The following AP1S3 variants were observed in gnomAD, a reference collection of about 807,000 sequenced individuals.
AP1S3 encodes AP-1 complex subunit sigma-3.
AP1S3 carries 10 observed loss-of-function variants against 20.9 expected under a neutral mutation model. The ratio of observed to expected loss-of-function variants is 0.48; its 90% confidence interval spans 0.29 to 0.81. AP1S3 has a LOEUF of 0.81. AP1S3 is among the 30% of genes least tolerant of loss of function. The probability of loss-of-function intolerance (pLI) is 0.08; values close to 1 mark genes in which losing one functional copy is unlikely to be tolerated. For synonymous variants in AP1S3, 41 were observed against 61.5 expected (o/e 0.67, Z 1.56); for missense variants, 154 against 183.8 (o/e 0.84, Z 0.94).
At chr2:223,775,860 G>C in intron 3 of AP1S3, 41 bp downstream of exon 3, 1 of 1,454,792 alleles carries the variant, frequency 6.9e-7, no homozygotes. Flanking sequence ...GAGCTGAGAT[G>C]GGGACTGTAG....
intron 1 of AP1S3, among the ~76,000 whole-genome samples, chr2:223,787,051 G>A (rs934258232): frequency 7.2e-5 from 11 of 152,152 alleles, no homozygotes; most frequent in Non-Finnish European, 1.2e-4. Context: ...ATGAGTTAGC[G>A]CCATCTCCTT....
chr2:223,771,596 C>G (rs1690628140), intron 3 of AP1S3, among the ~76,000 whole-genome samples: 1 of 152,174 alleles, frequency 6.6e-6, no homozygotes, highest in Non-Finnish European at 1.5e-5. Context: ...GCCTTGTGCT[C>G]TTCTGTAATT....
chr2:223,765,869 C>A (rs544999265), intron 3 of AP1S3, among the ~76,000 whole-genome samples: 37 of 152,156 alleles, frequency 2.4e-4, no homozygotes, highest in Non-Finnish European at 4.4e-4. Flanking sequence ...TACAGCCCAC[C>A]CCCAGAGTTT....
chr2:223,755,529 A>ATTTT lies in AP1S3; in HGVS notation c.*3182_*3185dup, dbSNP rs66977512. Among the ~76,000 whole-genome samples the ATTTT allele has an allele frequency of 1.9e-4, 22 of 118,206 alleles. No individual in the cohort carries two copies. Among genetic ancestry groups the ATTTT allele is most frequent in the Non-Finnish European group, 3.1e-4 (18 of 58,038 alleles). The allele number at this position is 118,206 out of a possible 152,430, so 77.5% of individuals were successfully genotyped here. On this transcript the variant is annotated 3_prime_UTR_variant, in exon 5 of 5. Coordinates refer to ENST00000396654, the MANE Select transcript of AP1S3 (RefSeq NM_001039569.2). ...CATATAGATATGTTTACTTACTTTC[A>ATTTT]TTTTTTTTTTTTTTTTTTTGAGACA... is the stretch of plus-strand genomic sequence containing the variant.
At chr2:223,809,618 TG>T in intron 1 of AP1S3, among the ~76,000 whole-genome samples, 1 of 151,714 alleles carries the variant, frequency 6.6e-6, no homozygotes, top group Non-Finnish European at 1.5e-5. Flanking sequence ...CACTCCAGCC[TG>T]GGGGACAGAG....
At chr2:223,819,372 C>T (rs1269803344) in intron 1 of AP1S3, among the ~76,000 whole-genome samples, 2 of 152,182 alleles carry the variant, frequency 1.3e-5, no homozygotes, top group Non-Finnish European at 2.9e-5. Flanking sequence ...CCTTTCTTTA[C>T]ATCACTCATT....
At chr2:223,772,032 G>A (rs1335608402) in intron 3 of AP1S3, among the ~76,000 whole-genome samples, 2 of 152,160 alleles carry the variant, frequency 1.3e-5, no homozygotes, top group African/African-American at 4.8e-5. Context: ...GCTTGAACCC[G>A]GGAGGCGGAA....
intron 3 of AP1S3, among the ~76,000 whole-genome samples, chr2:223,767,278 C>T (rs1346439932): frequency 6.6e-6 from 1 of 152,174 alleles, no homozygotes; most frequent in East Asian, 1.9e-4. Flanking sequence ...ACCAATCTCT[C>T]TTCCTTGAAA....
At chr2:223,819,862 A>C (rs1691947551) in intron 1 of AP1S3, among the ~76,000 whole-genome samples, 1 of 152,150 alleles carries the variant, frequency 6.6e-6, no homozygotes, top group African/African-American at 2.4e-5. Flanking sequence ...TTTACTGATA[A>C]AATACTATTA....
In AP1S3 at chr2:223,809,901, G is replaced by A. The variant is rs1447018213; in HGVS notation, c.3+27547C>T. On this transcript the variant is annotated intron_variant, in intron 1 of 4. Coordinates refer to ENST00000396654, the MANE Select transcript of AP1S3 (RefSeq NM_001039569.2). ...ACGCCACCACGCCCAGCTAATTTTTGTATTTTTAGCAGAGACAGGGTTTCA... is the reference window on the plus strand; with the variant it reads ...ACGCCACCACGCCCAGCTAATTTTTATATTTTTAGCAGAGACAGGGTTTCA... Among the ~76,000 whole-genome samples the A allele has an allele frequency of 2.6e-5, 4 of 151,598 alleles. No individual in the cohort carries two copies. The East Asian group carries it at 7.9e-4, about 30-fold the overall frequency.
intron 1 of AP1S3, among the ~76,000 whole-genome samples, chr2:223,819,621 C>T (rs201554636): frequency 6.6e-6 from 1 of 151,120 alleles, no homozygotes; most frequent in African/African-American, 2.4e-5. Flanking sequence ...AAATTAAAGT[C>T]CTATCTTTGT....
At chr2:223,809,378 C>T (rs1188097281) in intron 1 of AP1S3, among the ~76,000 whole-genome samples, 1 of 152,154 alleles carries the variant, frequency 6.6e-6, no homozygotes, top group Non-Finnish European at 1.5e-5. Context: ...GGCATGGTGG[C>T]TCACACCTAT....
intron 2 of AP1S3, among the ~76,000 whole-genome samples, chr2:223,777,325 G>A (rs1690806816): frequency 6.6e-6 from 1 of 152,282 alleles, no homozygotes; most frequent in East Asian, 1.9e-4. Context: ...AACCCAGGAG[G>A]TGGAAGTTGC....
intron 4 of AP1S3, among the ~76,000 whole-genome samples, chr2:223,759,746 T>C (rs1271744350): frequency 6.6e-6 from 1 of 152,196 alleles, no homozygotes; most frequent in Non-Finnish European, 1.5e-5. Flanking sequence ...ATGAGTCATT[T>C]TTCCTGATCC....
At chr2:223,774,484 G>C (rs1028972046) in intron 3 of AP1S3, among the ~76,000 whole-genome samples, 3 of 152,144 alleles carry the variant, frequency 2.0e-5, no homozygotes, top group African/African-American at 4.8e-5. Flanking sequence ...AGGCTGGGGG[G>C]GTTGATTTTA....
At chr2:223,811,907 G>A (rs550247893) in intron 1 of AP1S3, among the ~76,000 whole-genome samples, 1 of 152,316 alleles carries the variant, frequency 6.6e-6, no homozygotes, top group East Asian at 1.9e-4. Context: ...CAGAAGCCCA[G>A]ATTTTGCCAA....
At chr2:223,813,459 G>A (rs1329253995) in intron 1 of AP1S3, among the ~76,000 whole-genome samples, 1 of 152,190 alleles carries the variant, frequency 6.6e-6, no homozygotes, top group Non-Finnish European at 1.5e-5. Context: ...AACACATGAG[G>A]AGGATAACAA....
chr2:223,770,024 G>A (rs558810920), intron 3 of AP1S3, among the ~76,000 whole-genome samples: 97 of 152,258 alleles, frequency 6.4e-4, no homozygotes, highest in African/African-American at 2.2e-3. Context: ...GATTACAGGC[G>A]TGAGCCATCG....
chr2:223,778,667 C>T (rs375086176), intron 1 of AP1S3, among the ~76,000 whole-genome samples: 23 of 150,364 alleles, frequency 1.5e-4, no homozygotes, highest in East Asian at 1.4e-3. Flanking sequence ...GCAAGGGGAA[C>T]GAGAAAATGA....
Sources: gnomAD v4.1 joint callset for allele counts (sites outside exome capture counted in the v4.1 genomes callset) on GRCh38, gnomAD v4.1.1 for gene constraint, MANE v1.5 for transcripts, NCBI Gene and HGNC (gene_info 2026-07-23, HGNC 2026-07-21) for gene names.